KL: variants seen among roughly 807,000 people sequenced by gnomAD.
KL encodes the protein alpha-klotho.
A neutral mutation model predicts 84.2 loss-of-function variants in KL; 62 were observed. The ratio of observed to expected loss-of-function variants is 0.74; its 90% CI spans 0.60 to 0.91. The LOEUF is 0.91. Among genes scored for constraint, KL ranks in the 40% least tolerant of loss-of-function variants. The pLI is 0.00. For synonymous variants in KL, 528 were observed against 528.0 expected (o/e 1.00, Z 0.00); for missense variants, 1,261 against 1,305.7 (o/e 0.97, Z 0.53).
At chr13:33,056,571 G>A (rs955457062) in intron 3 of KL, among the ~76,000 whole-genome samples, 33 of 151,746 alleles carry the variant, frequency 2.2e-4, no homozygotes, top group African/African-American at 7.7e-4. Flanking sequence ...CGAGGCGGGC[G>A]GATCATGAGG....
rs1872397715 is a variant in KL, at chr13:33,065,985, C to T, written c.*1799C>T. On this transcript the variant is annotated 3_prime_UTR_variant, in exon 5 of 5. Coordinates refer to ENST00000380099, the MANE Select transcript of KL (RefSeq NM_004795.4). The stretch of plus-strand genomic sequence containing the variant: ...AACTTAACCGTTCCCGTTTGTTAGA[C>T]TAGTTTCTTATTAATGTTGATGAAT... 5.7e-6 allele frequency: 1 copy of T among 176,512 alleles called. No individual in the cohort carries two copies. The highest frequency in any genetic ancestry group is 6.3e-5 in the Admixed American group (1 of 15,810). The allele number at this position is 176,512 out of a possible 1,614,324, so 10.9% of individuals were successfully genotyped here. A position where few individuals can be genotyped will look rare whatever the true frequency, so the allele number is the denominator to read the frequency against.
At position 33,060,851 on chromosome 13, in the gene KL, C is replaced by G. The variant is rs761895359; in HGVS notation, c.1772C>G (p.Thr591Arg). The G allele has an allele frequency of 6.2e-7, 1 of 1,614,214 alleles. No homozygotes were observed. Among genetic ancestry groups the G allele is most frequent in the Non-Finnish European group, 8.5e-7 (1 of 1,180,032 alleles). Residue 591 changes from threonine to arginine, a missense_variant, in exon 4 of 5, where the codon ACA (threonine) becomes AGA (arginine). Physicochemically the swap from Thr to Arg is moderately conservative, Grantham distance 71. Transcript: ENST00000380099. ...QIALLQEMHV[T>R]HFRFSLDWAL... ...GCTTTACTCCAGGAAATGCACGTTA[C>G]ACATTTTCGCTTCTCCCTGGACTGG...
Position 33,060,888 on chromosome 13 carries a change from C to T in KL, c.1809C>T (p.Leu603=), listed in dbSNP as rs777479302. 1.9e-6 allele frequency: 3 copies of T among 1,614,224 alleles called. No homozygotes were observed. Among genetic ancestry groups the T allele is most frequent in the Non-Finnish European group, 1.7e-6 (2 of 1,180,028 alleles). ...FRFSLDWALI[L]PLGNQSQVNH... is the part of the protein sequence containing the mutation. ...TCTCCCTGGACTGGGCCCTGATTCT[C>T]CCTCTGGGTAACCAGTCCCAGGTGA... The change falls in exon 4 of 5, where the codon CTC becomes CTT. Residue 603 remains leucine (L), a synonymous_variant. Coordinates refer to ENST00000380099, the MANE Select transcript of KL (RefSeq NM_004795.4).
At chr13:33,042,089 T>G (rs1871360290) in intron 1 of KL, among the ~76,000 whole-genome samples, 1 of 152,200 alleles carries the variant, frequency 6.6e-6, no homozygotes, top group South Asian at 2.1e-4. Flanking sequence ...ACTAACAGAT[T>G]ACTGTAGTAG....
chr13:33,033,661 C>T (rs573675257), intron 1 of KL, among the ~76,000 whole-genome samples: 3 of 152,016 alleles, frequency 2.0e-5, no homozygotes, highest in Non-Finnish European at 4.4e-5. Flanking sequence ...CACCTCTAAC[C>T]ACCCCCATTT....
At position 33,065,996 on chromosome 13, in the gene KL, T is replaced by C. The variant is rs1872398072; in HGVS notation, c.*1810T>C. The C allele has an allele frequency of 5.7e-6, 1 of 176,534 alleles. No individual in the cohort carries two copies. The highest frequency in any genetic ancestry group is 1.2e-5 in the Non-Finnish European group (1 of 82,004). The allele number at this position is 176,534 out of a possible 1,614,324, so 10.9% of individuals were successfully genotyped here. A position where few individuals can be genotyped will look rare whatever the true frequency, so the allele number is the denominator to read the frequency against. On this transcript the variant is annotated 3_prime_UTR_variant, in exon 5 of 5. Coordinates refer to ENST00000380099, the MANE Select transcript of KL (RefSeq NM_004795.4). ...TCCCGTTTGTTAGACTAGTTTCTTA[T>C]TAATGTTGATGAATGTTGTTTAAAA...
chr13:33,032,581 C>CT (rs1459625680), intron 1 of KL, among the ~76,000 whole-genome samples: 6 of 151,882 alleles, frequency 4.0e-5, no homozygotes, highest in East Asian at 1.9e-4. Context: ...GTATGGACTT[C>CT]TTTTCTTCTT....
Position 33,055,288 on chromosome 13 carries a change from T to A in KL, c.1572T>A (p.Ala524=). 6.2e-7 allele frequency: 1 copy of A among 1,614,212 alleles called. No individual in the cohort carries two copies. Among genetic ancestry groups the A allele is most frequent in the Non-Finnish European group, 8.5e-7 (1 of 1,180,020 alleles). ...PLEGTFPCDF[A]WGVVDNYIQV... The stretch of plus-strand genomic sequence containing the variant: ...AAGGGACATTTCCCTGTGACTTTGC[T>A]TGGGGAGTTGTTGACAACTACATTC... The change falls in exon 3 of 5, where the codon GCT becomes GCA. Residue 524 remains alanine, a synonymous_variant. Coordinates refer to ENST00000380099, the MANE Select transcript of KL (RefSeq NM_004795.4).
At chr13:33,029,157 A>G (rs1870881751) in intron 1 of KL, among the ~76,000 whole-genome samples, 1 of 152,246 alleles carries the variant, frequency 6.6e-6, no homozygotes, top group Non-Finnish European at 1.5e-5. Context: ...TAATTTTGCT[A>G]GTTATAGCAC....
chr13:33,042,616 A>G (rs1460316453), intron 1 of KL, among the ~76,000 whole-genome samples: 1 of 152,208 alleles, frequency 6.6e-6, no homozygotes, highest in East Asian at 1.9e-4. Flanking sequence ...CTGTTTATAC[A>G]TTCTCCTGTG....
rs1235051992 is a variant in KL, at chr13:33,017,074, C to T, written c.634C>T (p.Leu212=). ...DAYGGWANRA[L]ADHFRDYAEL... Reference sequence around the variant, plus strand: ...CTACGGCGGCTGGGCCAACCGCGCCCTGGCCGACCACTTCAGGGATTACGC... The same window carrying T: ...CTACGGCGGCTGGGCCAACCGCGCCTTGGCCGACCACTTCAGGGATTACGC... The change falls in exon 1 of 5, where the codon CTG becomes TTG. Residue 212 remains leucine (L), a synonymous_variant. Coordinates refer to ENST00000380099, the MANE Select transcript of KL (RefSeq NM_004795.4). 6.2e-7 allele frequency: 1 copy of T among 1,603,394 alleles called. No homozygotes were observed. The highest frequency in any genetic ancestry group is 1.7e-5 in the Admixed American group (1 of 59,756).
intron 1 of KL, among the ~76,000 whole-genome samples, chr13:33,052,033 C>T (rs542182185): frequency 7.9e-5 from 12 of 152,258 alleles, no homozygotes; most frequent in African/African-American, 2.9e-4. Context: ...CATGGCTCAC[C>T]GAAGCCTCCA....
intron 1 of KL, among the ~76,000 whole-genome samples, chr13:33,017,662 T>C (rs923504389): frequency 3.9e-5 from 6 of 152,214 alleles, no homozygotes; most frequent in African/African-American, 1.4e-4. Flanking sequence ...ATAGCATTAC[T>C]CTCTGGAGCT....
chr13:33,032,587 TTC>T (rs1439207643), intron 1 of KL, among the ~76,000 whole-genome samples: 33 of 151,268 alleles, frequency 2.2e-4, no homozygotes, highest in Non-Finnish European at 3.5e-4. Context: ...ACTTCTTTTC[TTC>T]TTCTTCTTCT....
chr13:33,019,145 G>T (rs1438617156), intron 1 of KL, among the ~76,000 whole-genome samples: 1 of 152,168 alleles, frequency 6.6e-6, no homozygotes, highest in Non-Finnish European at 1.5e-5. Flanking sequence ...TTGGTGTAAA[G>T]TATTAATTTT....
At chr13:33,020,739 G>A (rs573035312) in intron 1 of KL, among the ~76,000 whole-genome samples, 1 of 152,104 alleles carries the variant, frequency 6.6e-6, no homozygotes. Flanking sequence ...CTATGACTAC[G>A]ATGGAGGTGC....
At position 33,017,179 on chromosome 13, in the gene KL, G is replaced by A. The variant is rs867215187; in HGVS notation, c.739G>A (p.Gly247Ser). 2.5e-6 allele frequency: 4 copies of A among 1,599,458 alleles called. No individual in the cohort carries two copies. The highest frequency in any genetic ancestry group is 2.5e-6 in the Non-Finnish European group (3 of 1,179,560). Residue 247 changes from glycine (G) to serine (S), a missense_variant, in exon 1 of 5, where the codon GGC becomes AGC. Gly to Ser is a moderately conservative substitution (Grantham distance 56). Coordinates refer to ENST00000380099, the MANE Select transcript of KL (RefSeq NM_004795.4). ...CAACCCCTACGTGGTGGCCTGGCACGGCTACGCCACCGGGCGCCTGGCCCC... is the reference window on the plus strand; with the variant it reads ...CAACCCCTACGTGGTGGCCTGGCACAGCTACGCCACCGGGCGCCTGGCCCC... ...IDNPYVVAWH[G>S]YATGRLAPGI...
intron 1 of KL, among the ~76,000 whole-genome samples, chr13:33,050,377 A>T (rs138754299): frequency 6.6e-6 from 1 of 152,252 alleles, no homozygotes; most frequent in East Asian, 1.9e-4. Context: ...ACCTTCCCAC[A>T]CTCTGCCTCA....
chr13:33,017,200 GC>G lies in KL; in HGVS notation c.765del (p.Gly256AlafsTer43). The G allele has an allele frequency of 2.5e-6, 4 of 1,596,934 alleles. No homozygotes were observed. The highest frequency in any genetic ancestry group is 2.5e-6 in the Non-Finnish European group (3 of 1,178,680). On this transcript the variant is annotated frameshift_variant, in exon 1 of 5. Coordinates refer to ENST00000380099, the MANE Select transcript of KL (RefSeq NM_004795.4). LOFTEE classifies it high-confidence loss of function. ...GCACGGCTACGCCACCGGGCGCCTG[GC>G]CCCCGGCATCCGGGGCAGCCCGCGG... Reference protein sequence around the residue: ...AWHGYATGRLAPGIRGSPRLG... With the variant: ...AWHGYATGRLXPGIRGSPRLG...
Sources: allele counts gnomAD v4.1 joint callset (sites outside exome capture counted in the v4.1 genomes callset), GRCh38; gene constraint gnomAD v4.1.1; transcripts MANE v1.5; gene names NCBI Gene and HGNC (gene_info 2026-07-23, HGNC 2026-07-21).